Variants in CDC14B observed in about 807,000 individuals in gnomAD.
CDC14B encodes the protein dual specificity protein phosphatase CDC14B.
In CDC14B, 22 loss-of-function variants were observed where a neutral mutation model predicts 64.2. The observed-to-expected ratio is 0.34, with a 90% CI of 0.24 to 0.49. The LOEUF (loss-of-function observed/expected upper bound fraction) is 0.49. Ranked by LOEUF, CDC14B falls within the 20% of genes least tolerant of loss-of-function variation. The pLI is 0.99. For synonymous variants in CDC14B, 191 were observed against 215.8 expected, an observed-to-expected ratio of 0.89 and a Z score of 1.01; for missense variants, 498 against 629.9, an observed-to-expected ratio of 0.79 and a Z score of 2.24.
chr9:96,571,746 C>A (rs889430585), intron 1 of CDC14B, among the ~76,000 whole-genome samples: 2 of 152,144 alleles, frequency 1.3e-5, no homozygotes, highest in Non-Finnish European at 2.9e-5. Context: ...CCTCAGAAAG[C>A]CGGCCTTGGG....
chr9:96,507,197 G>A (rs1047238844), intron 13 of CDC14B, among the ~76,000 whole-genome samples: 12 of 152,062 alleles, frequency 7.9e-5, no homozygotes, highest in African/African-American at 2.9e-4. Context: ...CCAGCTACTT[G>A]GGAGGATGAG....
At chr9:96,609,156 G>C (rs538466105) in intron 1 of CDC14B, among the ~76,000 whole-genome samples, 53 of 152,144 alleles carry the variant, frequency 3.5e-4, no homozygotes, top group African/African-American at 1.3e-3. Flanking sequence ...TAGAGATGGG[G>C]TATCACCATG....
At chr9:96,576,752 A>G (rs1266346416) in intron 1 of CDC14B, among the ~76,000 whole-genome samples, 1 of 152,192 alleles carries the variant, frequency 6.6e-6, no homozygotes, top group Non-Finnish European at 1.5e-5. Context: ...TACATCCATA[A>G]TCATAGAAGA....
chr9:96,514,534 T>C (rs1835350168), intron 12 of CDC14B: 1 of 985,324 alleles, frequency 1.0e-6, no homozygotes, highest in African/African-American at 1.7e-5. Context: ...TGAAATCAGC[T>C]TGATTTTTAA....
At position 96,502,572 on chromosome 9, in the gene CDC14B, A is replaced by C; in HGVS notation, c.*1181T>G. On this transcript the variant is annotated 3_prime_UTR_variant, in exon 14 of 14. Transcript: ENST00000375241. Reference sequence around the variant, plus strand: ...TGGAAGGAACTGAGGTGAGTACTATATATTCTTTTATTTCGGGCCCCATTT... The same window carrying C: ...TGGAAGGAACTGAGGTGAGTACTATCTATTCTTTTATTTCGGGCCCCATTT... The C allele has an allele frequency of 3.9e-6, 1 of 256,958 alleles. No individual in the cohort carries two copies. 15.9% of individuals were successfully genotyped at this position (256,958 alleles called of 1,614,324 possible).
At chr9:96,595,471 G>A (rs1211831145) in intron 1 of CDC14B, among the ~76,000 whole-genome samples, 2 of 152,116 alleles carry the variant, frequency 1.3e-5, no homozygotes, top group African/African-American at 2.4e-5. Flanking sequence ...TCCATATATC[G>A]GTAAGATAGG....
intron 5 of CDC14B, among the ~76,000 whole-genome samples, chr9:96,551,283 A>AT (rs978891235): frequency 7.3e-5 from 11 of 151,316 alleles, no homozygotes; most frequent in African/African-American, 2.2e-4. Context: ...CGCCTGGCTA[A>AT]TTTTTTTTAA....
intron 1 of CDC14B, 147 bp downstream of exon 1, chr9:96,619,072 T>A: frequency 2.1e-6 from 1 of 480,716 alleles, no homozygotes; most frequent in South Asian, 1.1e-4. Context: ...CTAAAGGGGG[T>A]GTGGCGGCCG....
At chr9:96,574,222 G>C (rs1056410582) in intron 1 of CDC14B, among the ~76,000 whole-genome samples, 1 of 151,632 alleles carries the variant, frequency 6.6e-6, no homozygotes, top group Non-Finnish European at 1.5e-5. Flanking sequence ...GGCAGTATTG[G>C]CACAGTGTAC....
chr9:96,619,130 G>A (rs1226403895), intron 1 of CDC14B, 89 bp downstream of exon 1: 24 of 1,085,404 alleles, frequency 2.2e-5, no homozygotes, highest in Non-Finnish European at 2.8e-5. Flanking sequence ...CGGCCCCGGA[G>A]GCCCCGGGCA....
At chr9:96,511,437 G>C (rs892030992) in intron 12 of CDC14B, among the ~76,000 whole-genome samples, 6 of 152,186 alleles carry the variant, frequency 3.9e-5, no homozygotes, top group African/African-American at 9.7e-5. Context: ...CGAGTGTGGT[G>C]GCAGGTGCCT....
intron 6 of CDC14B, among the ~76,000 whole-genome samples, chr9:96,541,308 C>G (rs913589443): frequency 3.3e-5 from 5 of 152,218 alleles, no homozygotes; most frequent in African/African-American, 1.2e-4. Flanking sequence ...GACAAAGCAG[C>G]AGTGACCCAC....
chr9:96,517,781 T>C (rs1020810213), intron 12 of CDC14B, among the ~76,000 whole-genome samples: 2 of 150,920 alleles, frequency 1.3e-5, no homozygotes, highest in Non-Finnish European at 1.5e-5. Context: ...TCCTCCCACA[T>C]CAGCCTCCTG....
intron 1 of CDC14B, among the ~76,000 whole-genome samples, chr9:96,592,934 TG>T (rs1845867859): frequency 6.6e-6 from 1 of 152,176 alleles, no homozygotes; most frequent in South Asian, 2.1e-4. Context: ...ACAATGTAAA[TG>T]TAGTATTATG....
At chr9:96,495,755 T>C (rs911721673), downstream of CDC14B, among the ~76,000 whole-genome samples, 1 of 152,032 alleles carries the variant, frequency 6.6e-6, no homozygotes, top group Non-Finnish European at 1.5e-5. Context: ...GTGACCAAGG[T>C]AGAAAGATGC....
Position 96,539,110 on chromosome 9 carries a change from A to T in CDC14B, c.595T>A (p.Ser199Thr), listed in dbSNP as rs1198626048. 6.2e-7 allele frequency: 1 copy of T among 1,610,498 alleles called. No homozygotes were observed. The highest frequency in any genetic ancestry group is 1.7e-5 in the Admixed American group (1 of 59,944). The change falls in exon 7 of 14, where the codon TCA becomes ACA. Residue 199 changes from serine to threonine, a missense_variant. Coordinates refer to ENST00000375241, the MANE Select transcript of CDC14B (RefSeq NM_033331.4). ...TGTTCATATTCATCAAGGTTAAATG[A>T]GTTGAAATTAAGGAAGCCATACTGC... is the stretch of plus-strand genomic sequence containing the variant. ...AMQYGFLNFN[S>T]FNLDEYEHYE... is the part of the protein sequence containing the mutation.
At chr9:96,619,126 C>G in intron 1 of CDC14B, 93 bp downstream of exon 1, 2 of 1,066,116 alleles carry the variant, frequency 1.9e-6, no homozygotes, top group Non-Finnish European at 2.4e-6. Flanking sequence ...GGCCCGGCCC[C>G]GGAGGCCCCG....
chr9:96,618,020 T>C (rs1006901884), intron 1 of CDC14B, among the ~76,000 whole-genome samples: 2 of 152,172 alleles, frequency 1.3e-5, no homozygotes, highest in African/African-American at 2.4e-5. Context: ...GGACTGGTAC[T>C]CAGGGCAACC....
intron 7 of CDC14B, among the ~76,000 whole-genome samples, chr9:96,536,935 A>ATAG (rs1491387740): frequency 6.6e-6 from 1 of 152,226 alleles, no homozygotes; most frequent in Non-Finnish European, 1.5e-5. Flanking sequence ...GTTAAAAAAC[A>ATAG]TAGAACACAC....
Sources: gnomAD v4.1 joint callset for allele counts (sites outside exome capture counted in the v4.1 genomes callset) on GRCh38, gnomAD v4.1.1 for gene constraint, MANE v1.5 for transcripts, NCBI Gene and HGNC (gene_info 2026-07-23, HGNC 2026-07-21) for gene names.